Variants in CA8 observed in about 807,000 individuals in gnomAD.
CA8 encodes carbonic anhydrase-related protein.
Under a neutral mutation model 41.4 loss-of-function variants are expected in CA8, and 22 were observed. The observed-to-expected ratio is 0.53, with a 90% CI of 0.38 to 0.76. The LOEUF (loss-of-function observed/expected upper bound fraction) is 0.76, where lower values mean the gene tolerates loss of function less well. Among genes scored for constraint, CA8 ranks in the 30% least tolerant of loss-of-function variants. CA8 has a pLI of 0.00. For synonymous variants in CA8, 121 were observed against 130.6 expected, an observed-to-expected ratio of 0.93 and a Z score of 0.50; for missense variants, 270 against 352.8, an observed-to-expected ratio of 0.77 and a Z score of 1.88.
In CA8 at chr8:60,204,323, T is replaced by C. The variant is rs751032248; in HGVS notation, c.*35+4427A>G. ...CATGAAATCTACTGTATCTAGGGTA[T>C]CAGAACATATTAACATTCGACATAC... On this transcript the variant is annotated intron_variant, in intron 8 of 8. Transcript: ENST00000317995. 6.6e-5 allele frequency among the ~76,000 whole-genome samples: 10 copies of C among 152,172 alleles called. No individual in the cohort carries two copies. The South Asian group carries it at 8.3e-4, about 13-fold the overall frequency.
In CA8 at chr8:60,231,185, C is replaced by A. The variant is rs997235671; in HGVS notation, c.513+1099G>T. ...ATTTTTCATTAATATTTTGTGATTT[C>A]TTTCTAGTTATATAACGCCGTTATA... On this transcript the variant is annotated intron_variant, in intron 4 of 8. Transcript: ENST00000317995. Among the ~76,000 whole-genome samples, 3 of 151,990 alleles carry A rather than the reference C, an allele frequency of 2.0e-5. No homozygotes were observed. In the East Asian group the frequency reaches 5.8e-4, roughly 29 times the overall value.
chr8:60,199,303 A>G (rs1360898091), intron 8 of CA8, among the ~76,000 whole-genome samples: 1 of 152,072 alleles, frequency 6.6e-6, no homozygotes, highest in Non-Finnish European at 1.5e-5. Context: ...GTTTTTTTCT[A>G]TGTATGCGGA....
intron 3 of CA8, among the ~76,000 whole-genome samples, chr8:60,245,435 T>C (rs996910791): frequency 1.3e-5 from 2 of 152,182 alleles, no homozygotes; most frequent in African/African-American, 4.8e-5. Context: ...TACTTTAAAA[T>C]CATAACAAAC....
At chr8:60,205,560 T>C (rs966828530) in intron 8 of CA8, among the ~76,000 whole-genome samples, 1 of 152,148 alleles carries the variant, frequency 6.6e-6, no homozygotes, top group African/African-American at 2.4e-5. Context: ...TTAATATCAA[T>C]AGGCACCCAT....
At chr8:60,245,006 T>A (rs973236526) in intron 3 of CA8, among the ~76,000 whole-genome samples, 1 of 152,160 alleles carries the variant, frequency 6.6e-6, no homozygotes, top group African/African-American at 2.4e-5. Flanking sequence ...AAAACAGACA[T>A]AACATCTACC....
intron 2 of CA8, among the ~76,000 whole-genome samples, chr8:60,275,691 T>C (rs778548886): frequency 7.2e-5 from 11 of 151,776 alleles, no homozygotes; most frequent in Admixed American, 5.3e-4. Flanking sequence ...TATAAGAAAA[T>C]TGCTGGTAAA....
intron 8 of CA8, among the ~76,000 whole-genome samples, chr8:60,207,645 G>A (rs1445789606): frequency 6.6e-6 from 1 of 152,130 alleles, no homozygotes; most frequent in Admixed American, 6.5e-5. Flanking sequence ...TATAACCTGC[G>A]ATTTCTATTT....
intron 2 of CA8, among the ~76,000 whole-genome samples, chr8:60,266,829 A>G (rs1396477815): frequency 1.3e-5 from 2 of 152,246 alleles, no homozygotes; most frequent in African/African-American, 4.8e-5. Flanking sequence ...TACAAACTTG[A>G]AATAAAGTTT....
chr8:60,194,625 T>G (rs907401936), intron 8 of CA8, among the ~76,000 whole-genome samples: 1 of 152,184 alleles, frequency 6.6e-6, no homozygotes, highest in Non-Finnish European at 1.5e-5. Context: ...GATTAAGTGC[T>G]TCTTAAATAG....
At position 60,185,615 on chromosome 8, in the gene CA8, A is replaced by C. The variant is rs1405155400; in HGVS notation, c.*4406T>G. Among the ~76,000 whole-genome samples the C allele has an allele frequency of 1.3e-5, 2 of 152,172 alleles. No homozygotes were observed. Among genetic ancestry groups the C allele is most frequent in the East Asian group, 3.8e-4 (2 of 5,202 alleles). ...GATTTGTCTTGTAGAAGGAAACCTCATTAAGCTTTATAGCTGGCATCTCAG... is the reference window on the plus strand; with the variant it reads ...GATTTGTCTTGTAGAAGGAAACCTCCTTAAGCTTTATAGCTGGCATCTCAG... On this transcript the variant is annotated 3_prime_UTR_variant, in exon 9 of 9. Transcript: ENST00000317995.
At chr8:60,272,005 T>C (rs1276042128) in intron 2 of CA8, among the ~76,000 whole-genome samples, 2 of 152,156 alleles carry the variant, frequency 1.3e-5, no homozygotes, top group African/African-American at 4.8e-5. Flanking sequence ...GGACCAATAG[T>C]CTGGTCAGAT....
At chr8:60,252,415 T>C (rs893878380) in intron 3 of CA8, among the ~76,000 whole-genome samples, 1 of 152,194 alleles carries the variant, frequency 6.6e-6, no homozygotes, top group Non-Finnish European at 1.5e-5. Flanking sequence ...GGATAGAAAT[T>C]CCAAAGCTGA....
chr8:60,223,389 C>T (rs534200367), intron 6 of CA8, among the ~76,000 whole-genome samples: 1 of 152,202 alleles, frequency 6.6e-6, no homozygotes, highest in African/African-American at 2.4e-5. Flanking sequence ...AACTCCTGGG[C>T]TCAAGCGATC....
At chr8:60,195,256 T>C (rs1046229561) in intron 8 of CA8, among the ~76,000 whole-genome samples, 2 of 152,236 alleles carry the variant, frequency 1.3e-5, no homozygotes, top group African/African-American at 4.8e-5. Context: ...AATATAGTTA[T>C]AGCAGATGCC....
At chr8:60,275,274 T>G (rs868183730) in intron 2 of CA8, among the ~76,000 whole-genome samples, 3 of 152,086 alleles carry the variant, frequency 2.0e-5, no homozygotes, top group South Asian at 2.1e-4. Context: ...GACTCATTCT[T>G]AAATAGGAAC....
chr8:60,270,209 GC>G (rs1479817009), intron 2 of CA8, among the ~76,000 whole-genome samples: 3 of 152,258 alleles, frequency 2.0e-5, no homozygotes, highest in African/African-American at 7.2e-5. Flanking sequence ...TGCAGTATCT[GC>G]ACAGATGACA....
chr8:60,235,021 G>A (rs1807783823), intron 3 of CA8, among the ~76,000 whole-genome samples: 1 of 152,134 alleles, frequency 6.6e-6, no homozygotes, highest in Admixed American at 6.5e-5. Context: ...TGGCTCACAG[G>A]CACAGCACTC....
At chr8:60,211,751 C>T (rs1281498461) in intron 7 of CA8, among the ~76,000 whole-genome samples, 1 of 152,196 alleles carries the variant, frequency 6.6e-6, no homozygotes, top group Non-Finnish European at 1.5e-5. Context: ...CTTCCAACAT[C>T]AACAGAGATG....
chr8:60,209,070 C>A, intron 7 of CA8, 151 bp from the exon 8 acceptor site: 1 of 873,554 alleles, frequency 1.1e-6, no homozygotes, highest in Non-Finnish European at 1.7e-6. Flanking sequence ...AAAAAACAGA[C>A]TTAATTCTTC....
Sources: allele counts gnomAD v4.1 joint callset (sites outside exome capture counted in the v4.1 genomes callset), GRCh38; gene constraint gnomAD v4.1.1; transcripts MANE v1.5; gene names NCBI Gene and HGNC (gene_info 2026-07-23, HGNC 2026-07-21).